PTPRD: variants seen among roughly 807,000 people sequenced by gnomAD.
PTPRD encodes the protein receptor-type tyrosine-protein phosphatase delta.
A neutral mutation model predicts 214.5 loss-of-function variants in PTPRD; 34 were observed. That is an observed-to-expected ratio of 0.16 (90% CI 0.12 to 0.21). PTPRD has a LOEUF of 0.21. Ranked by LOEUF, PTPRD falls within the 10% of genes least tolerant of loss-of-function variation. The pLI, the probability that PTPRD is intolerant of heterozygous loss-of-function variation, is 1.00. For synonymous variants in PTPRD, 1,128 were observed against 845.7 expected, an observed-to-expected ratio of 1.33 and a Z score of -5.79; for missense variants, 2,545 against 2,398.7, an observed-to-expected ratio of 1.06 and a Z score of -1.27.
At chr9:9,178,701 T>A (rs2099926388) in intron 10 of PTPRD, among the ~76,000 whole-genome samples, 1 of 152,138 alleles carries the variant, frequency 6.6e-6, no homozygotes, top group African/African-American at 2.4e-5. Context: ...ATATTGTTGT[T>A]TCTACATTGA....
intron 11 of PTPRD, among the ~76,000 whole-genome samples, chr9:8,757,818 C>A (rs1041510099): frequency 1.3e-5 from 2 of 152,016 alleles, no homozygotes; most frequent in Non-Finnish European, 2.9e-5. Flanking sequence ...TCAAATTAAA[C>A]CTTTGCCATC....
intron 3 of PTPRD, among the ~76,000 whole-genome samples, chr9:10,254,603 T>C (rs2093081445): frequency 6.6e-6 from 1 of 152,188 alleles, no homozygotes; most frequent in South Asian, 2.1e-4. Context: ...GACTGAAGAC[T>C]TTTAATTATC....
chr9:10,173,841 C>G (rs2099228041), intron 3 of PTPRD, among the ~76,000 whole-genome samples: 1 of 151,280 alleles, frequency 6.6e-6, no homozygotes, highest in Admixed American at 6.6e-5. Context: ...AAGCCTTGAG[C>G]CTTGTAGTCT....
chr9:10,103,398 T>TATATATATATATATATATATATAG (rs1416027194), intron 3 of PTPRD, among the ~76,000 whole-genome samples: 1 of 143,144 alleles, frequency 7.0e-6, no homozygotes, highest in African/African-American at 2.6e-5. Flanking sequence ...TATATATTTA[T>TATATATATATATATATATATATAG]TTAAGAGCAT....
At chr9:10,027,964 T>G (rs963048923) in intron 4 of PTPRD, among the ~76,000 whole-genome samples, 3 of 152,196 alleles carry the variant, frequency 2.0e-5, no homozygotes, top group Non-Finnish European at 2.9e-5. Flanking sequence ...TTTTTATTAT[T>G]CCTGTAATAT....
intron 7 of PTPRD, among the ~76,000 whole-genome samples, chr9:9,578,227 T>G (rs1022772997): frequency 6.6e-6 from 1 of 152,104 alleles, no homozygotes. Context: ...TAAGACATTC[T>G]TCAGAGTTGT....
chr9:9,628,267 A>C (rs1207451399), intron 7 of PTPRD, among the ~76,000 whole-genome samples: 1 of 151,986 alleles, frequency 6.6e-6, no homozygotes, highest in Admixed American at 6.6e-5. Context: ...TCCATGGCCC[A>C]CTCTGAGGAA....
At chr9:9,419,002 G>C (rs1482676329) in intron 8 of PTPRD, among the ~76,000 whole-genome samples, 1 of 151,528 alleles carries the variant, frequency 6.6e-6, no homozygotes, top group Non-Finnish European at 1.5e-5. Flanking sequence ...TGATCATCAG[G>C]GCTTAATTTT....
chr9:9,328,289 T>C (rs937583725), intron 9 of PTPRD, among the ~76,000 whole-genome samples: 8 of 152,140 alleles, frequency 5.3e-5, no homozygotes, highest in Non-Finnish European at 1.2e-4. Context: ...TGTAGGACCA[T>C]ACATACTACA....
intron 7 of PTPRD, among the ~76,000 whole-genome samples, chr9:9,655,348 T>C (rs904387832): frequency 6.6e-6 from 1 of 152,144 alleles, no homozygotes; most frequent in African/African-American, 2.4e-5. Flanking sequence ...GGTGGGCAGA[T>C]CACCTGAGGT....
At chr9:9,471,871 T>C (rs1226843688) in intron 8 of PTPRD, among the ~76,000 whole-genome samples, 4 of 152,216 alleles carry the variant, frequency 2.6e-5, no homozygotes, top group Admixed American at 6.5e-5. Flanking sequence ...TCACATTTCA[T>C]GTTTTGAAGG....
chr9:10,090,210 G>A (rs1217570722), intron 3 of PTPRD, among the ~76,000 whole-genome samples: 4 of 151,472 alleles, frequency 2.6e-5, no homozygotes, highest in East Asian at 1.9e-4. Flanking sequence ...TTTTAGGGTT[G>A]TTCTAAACAA....
intron 9 of PTPRD, among the ~76,000 whole-genome samples, chr9:9,341,727 TG>T (rs1412678030): frequency 6.6e-6 from 1 of 152,148 alleles, no homozygotes; most frequent in Non-Finnish European, 1.5e-5. Context: ...AAAGGATACC[TG>T]TTTGCATTTG....
chr9:10,384,832 G>C (rs927572087), intron 2 of PTPRD, among the ~76,000 whole-genome samples: 1 of 151,006 alleles, frequency 6.6e-6, no homozygotes, highest in East Asian at 2.0e-4. Flanking sequence ...TATTGCGAAG[G>C]ATAATATGAT....
intron 6 of PTPRD, among the ~76,000 whole-genome samples, chr9:9,765,824 C>G (rs1017577808): frequency 4.6e-5 from 7 of 150,566 alleles, no homozygotes; most frequent in Non-Finnish European, 1.0e-4. Flanking sequence ...CCACCCCTGG[C>G]TAATTTTTTT....
At chr9:8,576,649 A>AC (rs1564462956) in intron 14 of PTPRD, among the ~76,000 whole-genome samples, 1 of 151,852 alleles carries the variant, frequency 6.6e-6, no homozygotes, top group Non-Finnish European at 1.5e-5. Flanking sequence ...AAAAAAAAAA[A>AC]ATCCATATTT....
chr9:10,298,945 T>C (rs542755069), intron 3 of PTPRD, among the ~76,000 whole-genome samples: 4 of 152,166 alleles, frequency 2.6e-5, no homozygotes, highest in African/African-American at 7.2e-5. Flanking sequence ...ACCTAGAAAC[T>C]TTCTCAATGC....
intron 11 of PTPRD, among the ~76,000 whole-genome samples, chr9:8,901,896 A>C (rs1365783237): frequency 6.6e-6 from 1 of 152,210 alleles, no homozygotes; most frequent in African/African-American, 2.4e-5. Flanking sequence ...TTCCAGACAC[A>C]GGCATAGGAA....
intron 9 of PTPRD, among the ~76,000 whole-genome samples, chr9:9,297,367 G>GA (rs1338535803): frequency 6.6e-6 from 1 of 151,472 alleles, no homozygotes; most frequent in African/African-American, 2.4e-5. Flanking sequence ...TAAGATGAAT[G>GA]AAAAAACAGA....
Sources: allele counts gnomAD v4.1 joint callset (sites outside exome capture counted in the v4.1 genomes callset), GRCh38; gene constraint gnomAD v4.1.1; transcripts MANE v1.5; gene names NCBI Gene and HGNC (gene_info 2026-07-23, HGNC 2026-07-21).